Variants in MVB12B observed in about 807,000 individuals in gnomAD.
MVB12B encodes the protein multivesicular body subunit 12B, also known as ESCRT-I complex subunit MVB12B.
MVB12B carries 16 observed loss-of-function variants against 41.6 expected under a neutral mutation model. The ratio of observed to expected loss-of-function variants is 0.38; its 90% CI spans 0.26 to 0.58. MVB12B has a LOEUF of 0.58. Ranked by LOEUF, MVB12B falls within the 20% of genes least tolerant of loss-of-function variation. The probability of loss-of-function intolerance (pLI) is 0.62; values close to 1 mark genes in which losing one functional copy is unlikely to be tolerated. For synonymous variants in MVB12B, 133 were observed against 139.7 expected (o/e 0.95, Z 0.34); for missense variants, 274 against 380.2 (o/e 0.72, Z 2.32).
chr9:126,428,911 G>T (rs1269230173), intron 7 of MVB12B, among the ~76,000 whole-genome samples: 1 of 152,128 alleles, frequency 6.6e-6, no homozygotes, highest in South Asian at 2.1e-4. Flanking sequence ...GTGGCTCGGG[G>T]TGGCATTGCA....
chr9:126,493,204 A>C (rs1165242080), intron 9 of MVB12B, among the ~76,000 whole-genome samples: 1 of 152,134 alleles, frequency 6.6e-6, no homozygotes, highest in Admixed American at 6.5e-5. Flanking sequence ...TATATATTAA[A>C]ATATTAAATA....
intron 9 of MVB12B, among the ~76,000 whole-genome samples, chr9:126,490,342 C>A (rs924592340): frequency 1.3e-5 from 2 of 152,196 alleles, no homozygotes; most frequent in Admixed American, 6.5e-5. Context: ...GAGGCAGCAG[C>A]CTTGGGTGTA....
At chr9:126,419,490 C>T (rs56987889) in intron 6 of MVB12B, among the ~76,000 whole-genome samples, 34,469 of 152,142 alleles carry the variant, frequency 0.23, 4,236 homozygotes, top group South Asian at 0.27. Flanking sequence ...ATACCTGCCT[C>T]GAGGGGCGTT....
intron 2 of MVB12B, among the ~76,000 whole-genome samples, chr9:126,378,372 G>A (rs912554117): frequency 1.3e-5 from 2 of 152,178 alleles, no homozygotes; most frequent in Non-Finnish European, 2.9e-5. Context: ...TGACTGGGTT[G>A]GGAAGACACC....
rs7047651 is a variant in MVB12B, at chr9:126,361,344, G to T, written c.205-19720G>T. Among the ~76,000 whole-genome samples the T allele has an allele frequency of 4.8e-3, 723 of 152,070 alleles. 12 individuals are homozygous for T. The highest frequency in any genetic ancestry group is 0.017 in the African/African-American group (700 of 41,492). On this transcript the variant is annotated intron_variant, in intron 2 of 9. Coordinates refer to ENST00000361171, the MANE Select transcript of MVB12B (RefSeq NM_033446.3). ...GTAGTGTAAGAACAGGATGTTTATT[G>T]TTCCTCTTCTAGCCCTTGTGCTATT...
rs779100235 is a variant in MVB12B, at chr9:126,459,045, A to G, written c.758-22324A>G. Among the ~76,000 whole-genome samples, 9 of 152,246 alleles carry G rather than the reference A, an allele frequency of 5.9e-5. No individual in the cohort carries two copies. The highest frequency in any genetic ancestry group is 1.0e-4 in the Non-Finnish European group (7 of 68,044). On this transcript the variant is annotated intron_variant, in intron 7 of 9. Coordinates refer to ENST00000361171, the MANE Select transcript of MVB12B (RefSeq NM_033446.3). The surrounding 1 kb of genome is among the most constrained non-coding windows in gnomAD (Gnocchi z 4.3). The stretch of plus-strand genomic sequence containing the variant: ...CTAAGCCTATAGATTCAGATGACCA[A>G]GGATCTCTGAGGGTTCCTTTCATCC...
chr9:126,360,462 C>G (rs552040134), intron 2 of MVB12B, among the ~76,000 whole-genome samples: 3 of 152,208 alleles, frequency 2.0e-5, no homozygotes, highest in Non-Finnish European at 4.4e-5. Context: ...TGGATTTGGC[C>G]TGCAAGCTGT....
intron 8 of MVB12B, among the ~76,000 whole-genome samples, chr9:126,483,090 G>A (rs1309394158): frequency 6.6e-6 from 1 of 152,230 alleles, no homozygotes; most frequent in African/African-American, 2.4e-5. Context: ...TCAGGACCAT[G>A]CGGGCCCTGG....
chr9:126,386,493 G>A lies in MVB12B; in HGVS notation c.313-69G>A. The A allele has an allele frequency of 1.7e-6, 2 of 1,154,036 alleles. No homozygotes were observed. Among genetic ancestry groups the A allele is most frequent in the East Asian group, 2.4e-5 (1 of 41,758 alleles). 71.5% of individuals were successfully genotyped at this position (1,154,036 alleles called of 1,614,324 possible). The stretch of plus-strand genomic sequence containing the variant: ...CATTGTGTTAAATATGCATCTGGAA[G>A]CCAAAATGGCAAACCCACCACATGC... On this transcript the variant is annotated intron_variant, in intron 3 of 9. Coordinates refer to ENST00000361171, the MANE Select transcript of MVB12B (RefSeq NM_033446.3). This position sits in a 1 kb window ranked among gnomAD's most constrained non-coding sequence, Gnocchi z 4.3.
At chr9:126,335,569 G>A (rs1030705032) in intron 1 of MVB12B, among the ~76,000 whole-genome samples, 3 of 152,142 alleles carry the variant, frequency 2.0e-5, no homozygotes, top group African/African-American at 7.2e-5. Flanking sequence ...CAGTAATCCC[G>A]GGGCACCAGA....
At chr9:126,353,557 A>G (rs531355608) in intron 2 of MVB12B, among the ~76,000 whole-genome samples, 1 of 152,282 alleles carries the variant, frequency 6.6e-6, no homozygotes, top group East Asian at 1.9e-4. Flanking sequence ...AAATTAGCTA[A>G]TGTTTGTAAT....
intron 1 of MVB12B, among the ~76,000 whole-genome samples, chr9:126,329,831 G>T (rs1829076778): frequency 1.3e-5 from 2 of 152,204 alleles, no homozygotes; most frequent in South Asian, 4.1e-4. Context: ...TTGTGGAGGG[G>T]AGGCCTGGGT....
Position 126,340,605 on chromosome 9 carries a change from A to T in MVB12B, c.179A>T (p.Asn60Ile). ...ITGVGVVASR[N>I]RAPTGYDVVA... ...GGAGTCGGGGTGGTGGCTTCTCGGA[A>T]CCGAGCCCCGACAGGCTATGACGTA... is the stretch of plus-strand genomic sequence containing the variant. The change falls in exon 2 of 10, where the codon AAC becomes ATC. Residue 60 changes from asparagine to isoleucine, a missense_variant. Physicochemically the swap from Asn to Ile is moderately radical, Grantham distance 149. Transcript: ENST00000361171. The surrounding 1 kb of genome is among the most constrained non-coding windows in gnomAD (Gnocchi z 4.0). 6.2e-7 allele frequency: 1 copy of T among 1,614,204 alleles called. No homozygotes were observed.
intron 9 of MVB12B, among the ~76,000 whole-genome samples, chr9:126,500,563 A>C (rs936866697): frequency 1.3e-5 from 2 of 152,188 alleles, no homozygotes; most frequent in African/African-American, 4.8e-5. Flanking sequence ...TGAAATGCAG[A>C]TTCTCAGGCC....
chr9:126,340,660 G>T lies in MVB12B; in HGVS notation c.204+30G>T. 6.2e-7 allele frequency: 1 copy of T among 1,609,370 alleles called. No homozygotes were observed. The highest frequency in any genetic ancestry group is 8.5e-7 in the Non-Finnish European group (1 of 1,176,564). ...GTCAAGATACTAGTTTGTACATTTTGCTCACTGATTCTACAAGTATTTATC... is the reference window on the plus strand; with the variant it reads ...GTCAAGATACTAGTTTGTACATTTTTCTCACTGATTCTACAAGTATTTATC... On this transcript the variant is annotated intron_variant, in intron 2 of 9. Transcript: ENST00000361171. The surrounding 1 kb of genome is among the most constrained non-coding windows in gnomAD (Gnocchi z 4.0).
chr9:126,456,555 G>T (rs1390906862), intron 7 of MVB12B, among the ~76,000 whole-genome samples: 1 of 152,178 alleles, frequency 6.6e-6, no homozygotes, highest in Non-Finnish European at 1.5e-5. Context: ...ACTTGGCTGG[G>T]GTTCTCATCC....
At chr9:126,455,887 C>CT (rs3983803) in intron 7 of MVB12B, among the ~76,000 whole-genome samples, 22,491 of 102,978 alleles carry the variant, frequency 0.22, 2,956 homozygotes, top group African/African-American at 0.32. Context: ...TTCTTTCTTT[C>CT]TTTTTTTTTT....
chr9:126,364,502 T>G (rs1201929575), intron 2 of MVB12B, among the ~76,000 whole-genome samples: 1 of 152,132 alleles, frequency 6.6e-6, no homozygotes, highest in Non-Finnish European at 1.5e-5. Context: ...GCACCATGGG[T>G]AGGAGTGTGC....
At position 126,503,592 on chromosome 9, in the gene MVB12B, GC is replaced by G. The variant is rs1013118343; in HGVS notation, c.*332del. 2.7e-6 allele frequency: 1 copy of G among 368,188 alleles called. No homozygotes were observed. Among genetic ancestry groups the G allele is most frequent in the African/African-American group, 2.1e-5 (1 of 46,670 alleles). 22.8% of individuals were successfully genotyped at this position (368,188 alleles called of 1,614,324 possible). ...GTCACCCTGAGGGCCCCGGGCAGTT[GC>G]CCTGGCCGCCCAGTGACGCCCACCG... is the stretch of plus-strand genomic sequence containing the variant. On this transcript the variant is annotated 3_prime_UTR_variant, in exon 10 of 10. Transcript: ENST00000361171.
Sources: allele counts gnomAD v4.1 joint callset (sites outside exome capture counted in the v4.1 genomes callset), GRCh38; gene constraint gnomAD v4.1.1; non-coding constraint Gnocchi (gnomAD v3.1); transcripts MANE v1.5; gene names NCBI Gene and HGNC (gene_info 2026-07-23, HGNC 2026-07-21).